The following ATRNL1 variants were observed in gnomAD, a reference collection of about 807,000 sequenced individuals.
The protein encoded by ATRNL1 is attractin like 1, also known as attractin-like protein 1.
ATRNL1 carries 95 observed loss-of-function variants against 182.7 expected under a neutral mutation model. The ratio of observed to expected loss-of-function variants is 0.52; its 90% CI spans 0.44 to 0.62. The LOEUF (loss-of-function observed/expected upper bound fraction) is 0.62. Among genes scored for constraint, ATRNL1 ranks in the 20% least tolerant of loss-of-function variants. The pLI, the probability that ATRNL1 is intolerant of heterozygous loss-of-function variation, is 0.00. For missense variants in ATRNL1, 1,471 were observed against 1,679.5 expected, an observed-to-expected ratio of 0.88 and a Z score of 2.17; for synonymous variants, 576 against 568.3, an observed-to-expected ratio of 1.01 and a Z score of -0.19.
intron 9 of ATRNL1, among the ~76,000 whole-genome samples, chr10:115,230,919 G>GAGAA (rs1437487977): frequency 1.5e-4 from 18 of 120,918 alleles, no homozygotes; most frequent in African/African-American, 4.8e-4. Context: ...GAGAGAGAGA[G>GAGAA]AGAAAGAGAG....
chr10:115,494,846 T>G (rs1849468554), intron 24 of ATRNL1, among the ~76,000 whole-genome samples: 1 of 152,322 alleles, frequency 6.6e-6, no homozygotes, highest in South Asian at 2.1e-4. Context: ...AGAATGACAC[T>G]GGCCTTGTAG....
intron 26 of ATRNL1, among the ~76,000 whole-genome samples, chr10:115,675,049 A>G (rs1945817455): frequency 6.6e-6 from 1 of 152,078 alleles, no homozygotes; most frequent in Non-Finnish European, 1.5e-5. Flanking sequence ...CTACTTGCTT[A>G]TTTCTGCTGA....
Position 115,944,836 on chromosome 10 carries a change from G to A in ATRNL1, c.*57G>A. 24 of 1,559,858 alleles carry A rather than the reference G, an allele frequency of 1.5e-5. No homozygotes were observed. The highest frequency in any genetic ancestry group is 1.9e-5 in the Non-Finnish European group (22 of 1,151,424). On this transcript the variant is annotated 3_prime_UTR_variant, in exon 29 of 29. Coordinates refer to ENST00000355044, the MANE Select transcript of ATRNL1 (RefSeq NM_207303.4). The stretch of plus-strand genomic sequence containing the variant: ...TGTTTTACTTCGGGCTTCTGTTAAA[G>A]CTGTTCTATGGCCTTGGATTTTATG...
chr10:115,192,601 A>G (rs983086996), intron 8 of ATRNL1, among the ~76,000 whole-genome samples: 3 of 152,058 alleles, frequency 2.0e-5, no homozygotes, highest in Non-Finnish European at 2.9e-5. Context: ...TTTCATATAA[A>G]TTTTAGGATC....
intron 25 of ATRNL1, among the ~76,000 whole-genome samples, chr10:115,542,509 A>G (rs1425436835): frequency 6.6e-6 from 1 of 152,154 alleles, no homozygotes; most frequent in Non-Finnish European, 1.5e-5. Flanking sequence ...ATAATAGTGT[A>G]TTATACAAGC....
chr10:115,585,310 C>T (rs1450689318), intron 26 of ATRNL1, among the ~76,000 whole-genome samples: 1 of 94,824 alleles, frequency 1.1e-5, no homozygotes. Context: ...TCCTTGTTGA[C>T]TTTCTGTCTC....
At chr10:115,910,453 T>C (rs1420321568) in intron 28 of ATRNL1, among the ~76,000 whole-genome samples, 1 of 152,112 alleles carries the variant, frequency 6.6e-6, no homozygotes, top group Non-Finnish European at 1.5e-5. Context: ...CTGACCACTA[T>C]ACATGCTGCT....
At chr10:115,642,119 A>C (rs1302883953) in intron 26 of ATRNL1, among the ~76,000 whole-genome samples, 3 of 152,260 alleles carry the variant, frequency 2.0e-5, no homozygotes, top group East Asian at 3.9e-4. Context: ...GCATAATAAC[A>C]AAAGTTTTCA....
At chr10:115,665,043 C>T (rs1808289981) in intron 26 of ATRNL1, among the ~76,000 whole-genome samples, 1 of 152,074 alleles carries the variant, frequency 6.6e-6, no homozygotes, top group South Asian at 2.1e-4. Context: ...GGTCATTTGG[C>T]CACTGAAACT....
chr10:115,374,694 T>C (rs1173362543), intron 19 of ATRNL1, among the ~76,000 whole-genome samples: 2 of 151,960 alleles, frequency 1.3e-5, no homozygotes, highest in Non-Finnish European at 2.9e-5. Flanking sequence ...ATGTTTATTT[T>C]TGTCAAGACA....
chr10:115,129,466 G>T lies in ATRNL1; in HGVS notation c.760G>T (p.Gly254Cys). 6.2e-7 allele frequency: 1 copy of T among 1,614,024 alleles called. No homozygotes were observed. The highest frequency in any genetic ancestry group is 8.5e-7 in the Non-Finnish European group (1 of 1,179,994). ...CDIPYCKANC[G>C]SPDHGYCDLT... ...TATTCCTTACTGTAAAGCCAATTGC[G>T]GCAGTCCAGATCACGGTTACTGTGA... is the stretch of plus-strand genomic sequence containing the variant. The change falls in exon 5 of 29, where the codon GGC (glycine) becomes TGC (cysteine). Residue 254 changes from glycine to cysteine, a missense_variant. This residue lies in a region of ATRNL1 where 1,031 missense variants were observed against 1,156.0 expected (regional missense o/e 0.89). Coordinates refer to ENST00000355044, the MANE Select transcript of ATRNL1 (RefSeq NM_207303.4).
intron 27 of ATRNL1, among the ~76,000 whole-genome samples, chr10:115,742,241 T>A (rs1305352855): frequency 6.6e-6 from 1 of 152,022 alleles, no homozygotes; most frequent in Non-Finnish European, 1.5e-5. Flanking sequence ...AAGAGAAAGT[T>A]TTTTTGGGGA....
chr10:115,349,641 T>C (rs1825279154), intron 19 of ATRNL1, among the ~76,000 whole-genome samples: 1 of 152,246 alleles, frequency 6.6e-6, no homozygotes, highest in African/African-American at 2.4e-5. Flanking sequence ...TGTTATATTC[T>C]GTCTTTTGGA....
At chr10:115,402,976 C>T (rs1016208338) in intron 20 of ATRNL1, among the ~76,000 whole-genome samples, 2 of 152,064 alleles carry the variant, frequency 1.3e-5, no homozygotes, top group Non-Finnish European at 2.9e-5. Flanking sequence ...GAAATGTTGC[C>T]GTAGGAGGAT....
intron 27 of ATRNL1, among the ~76,000 whole-genome samples, chr10:115,745,257 T>C (rs1593159680): frequency 6.6e-6 from 1 of 152,224 alleles, no homozygotes; most frequent in East Asian, 1.9e-4. Flanking sequence ...TCTTGTTTCT[T>C]TCACTTAGCA....
intron 27 of ATRNL1, among the ~76,000 whole-genome samples, chr10:115,750,331 A>G (rs1555070354): frequency 6.6e-6 from 1 of 151,918 alleles, no homozygotes; most frequent in Non-Finnish European, 1.5e-5. Context: ...CAAATAAAGT[A>G]TGGAAATTTA....
chr10:115,801,716 A>C (rs1276591442), intron 27 of ATRNL1, among the ~76,000 whole-genome samples: 1 of 152,184 alleles, frequency 6.6e-6, no homozygotes, highest in Non-Finnish European at 1.5e-5. Flanking sequence ...TACTGTCTTC[A>C]TCAACATGAT....
At chr10:115,500,845 T>G (rs183633386) in intron 24 of ATRNL1, among the ~76,000 whole-genome samples, 68 of 151,020 alleles carry the variant, frequency 4.5e-4, no homozygotes, top group African/African-American at 1.6e-3. Context: ...CTGGCCCAAA[T>G]AATTATTTTT....
intron 28 of ATRNL1, among the ~76,000 whole-genome samples, chr10:115,910,326 A>G (rs1356679133): frequency 6.6e-6 from 1 of 152,150 alleles, no homozygotes; most frequent in Non-Finnish European, 1.5e-5. Context: ...AAGGGCACTC[A>G]ATTTGACTAT....
Sources: allele counts gnomAD v4.1 joint callset (sites outside exome capture counted in the v4.1 genomes callset), GRCh38; gene constraint gnomAD v4.1.1; regional missense constraint gnomAD v4.1.1; transcripts MANE v1.5; gene names NCBI Gene and HGNC (gene_info 2026-07-23, HGNC 2026-07-21).